GALNT17: variants seen among roughly 807,000 people sequenced by gnomAD.
The protein encoded by GALNT17 is UDP-GalNAc:polypeptide N-acetylgalactosaminyltransferase-like 3.
In GALNT17, 29 loss-of-function variants were observed where a neutral mutation model predicts 63.7. The observed-to-expected ratio is 0.46, with a 90% CI of 0.34 to 0.62. The LOEUF is 0.62. Among genes scored for constraint, GALNT17 ranks in the 20% least tolerant of loss-of-function variants. The probability of loss-of-function intolerance (pLI) is 0.01; values close to 1 mark genes in which losing one functional copy is unlikely to be tolerated. For missense variants in GALNT17, 603 were observed against 799.6 expected, an observed-to-expected ratio of 0.75 and a Z score of 2.97; for synonymous variants, 305 against 318.3, an observed-to-expected ratio of 0.96 and a Z score of 0.45.
intron 1 of GALNT17, among the ~76,000 whole-genome samples, chr7:71,146,319 G>C (rs1031619951): frequency 6.6e-6 from 1 of 152,208 alleles, no homozygotes; most frequent in Non-Finnish European, 1.5e-5. Context: ...GCCAGTGCCA[G>C]TCTCGGGTCC....
chr7:71,680,708 TCC>T (rs1456920987), intron 9 of GALNT17, among the ~76,000 whole-genome samples: 16 of 32,304 alleles, frequency 5.0e-4, no homozygotes, highest in African/African-American at 1.2e-3. Flanking sequence ...TTCTTTTCCT[TCC>T]TTCCTTCCTC....
intron 5 of GALNT17, among the ~76,000 whole-genome samples, chr7:71,524,740 A>G (rs1788596304): frequency 6.6e-6 from 1 of 152,232 alleles, no homozygotes; most frequent in Non-Finnish European, 1.5e-5. Context: ...CCTGAAATTA[A>G]CATGGCCTTA....
chr7:71,315,508 C>T (rs1441799597), intron 1 of GALNT17, among the ~76,000 whole-genome samples: 1 of 152,180 alleles, frequency 6.6e-6, no homozygotes, highest in African/African-American at 2.4e-5. Context: ...CAAGAGAGCA[C>T]TTAAAATTGG....
intron 9 of GALNT17, among the ~76,000 whole-genome samples, chr7:71,700,860 C>T (rs1791620936): frequency 6.6e-6 from 1 of 152,168 alleles, no homozygotes; most frequent in African/African-American, 2.4e-5. Flanking sequence ...TGCCTGACTC[C>T]AGTGAGTAAG....
chr7:71,642,495 C>A (rs796263974), intron 6 of GALNT17, among the ~76,000 whole-genome samples: 3 of 152,288 alleles, frequency 2.0e-5, no homozygotes, highest in African/African-American at 7.2e-5. Context: ...TCCTTCACAT[C>A]CTTAGAGATG....
intron 3 of GALNT17, among the ~76,000 whole-genome samples, chr7:71,405,854 T>C (rs1184119883): frequency 1.3e-5 from 2 of 152,190 alleles, no homozygotes; most frequent in Non-Finnish European, 2.9e-5. Flanking sequence ...GCATTTAACA[T>C]GAATTTTGAG....
chr7:71,379,449 G>T (rs781256396), intron 2 of GALNT17, among the ~76,000 whole-genome samples: 2 of 152,050 alleles, frequency 1.3e-5, no homozygotes, highest in African/African-American at 2.4e-5. Context: ...CATTCTGGTC[G>T]CAGTAGGGTA....
At chr7:71,694,505 C>T (rs1208458298) in intron 9 of GALNT17, among the ~76,000 whole-genome samples, 4 of 152,030 alleles carry the variant, frequency 2.6e-5, no homozygotes, top group African/African-American at 7.2e-5. Context: ...AAGCAATTCT[C>T]CTGCCTCAGC....
intron 1 of GALNT17, among the ~76,000 whole-genome samples, chr7:71,275,084 A>C (rs2115719183): frequency 6.6e-6 from 1 of 152,196 alleles, no homozygotes; most frequent in Non-Finnish European, 1.5e-5. Context: ...CAGTACTGGG[A>C]GATCCTGAAA....
chr7:71,376,681 G>T (rs1792735112), intron 2 of GALNT17, among the ~76,000 whole-genome samples: 1 of 151,892 alleles, frequency 6.6e-6, no homozygotes, highest in Admixed American at 6.6e-5. Flanking sequence ...TCTAGGCACA[G>T]TGGCCCACGC....
At chr7:71,490,417 G>T (rs568887939) in intron 5 of GALNT17, among the ~76,000 whole-genome samples, 38 of 152,232 alleles carry the variant, frequency 2.5e-4, no homozygotes, top group African/African-American at 8.7e-4. Flanking sequence ...CCTATCAGGG[G>T]CATTTAGCCT....
At chr7:71,242,437 T>G (rs1188305441) in intron 1 of GALNT17, among the ~76,000 whole-genome samples, 1 of 151,260 alleles carries the variant, frequency 6.6e-6, no homozygotes, top group African/African-American at 2.4e-5. Flanking sequence ...CCCGGCTAAT[T>G]TTTTGTATTT....
At chr7:71,670,901 T>TGTGTGTGC (rs113904463) in intron 8 of GALNT17, among the ~76,000 whole-genome samples, 21 of 150,174 alleles carry the variant, frequency 1.4e-4, no homozygotes, top group South Asian at 2.1e-4. Flanking sequence ...TGTGTGTGTG[T>TGTGTGTGC]GCGTGTGTGT....
intron 6 of GALNT17, among the ~76,000 whole-genome samples, chr7:71,648,270 C>CTTT (rs200155271): frequency 7.0e-6 from 1 of 142,606 alleles, no homozygotes; most frequent in Non-Finnish European, 1.5e-5. Context: ...TCATGAGCTA[C>CTTT]TTTTTTTTTT....
At chr7:71,338,419 A>T (rs552207540) in intron 2 of GALNT17, among the ~76,000 whole-genome samples, 57 of 152,020 alleles carry the variant, frequency 3.7e-4, no homozygotes, top group African/African-American at 1.3e-3. Flanking sequence ...AGTCCCAGCT[A>T]CTCCTGAGGC....
intron 5 of GALNT17, among the ~76,000 whole-genome samples, chr7:71,428,082 G>A (rs996714280): frequency 3.9e-5 from 6 of 152,078 alleles, no homozygotes; most frequent in South Asian, 2.1e-4. Context: ...GTTCTTAATC[G>A]TGGCAATATA....
At chr7:71,499,686 TTCA>T (rs1788149945) in intron 5 of GALNT17, among the ~76,000 whole-genome samples, 2 of 152,228 alleles carry the variant, frequency 1.3e-5, no homozygotes, top group Admixed American at 1.3e-4. Flanking sequence ...CCGATTTCTC[TTCA>T]TCTATACAGA....
At chr7:71,142,012 C>CTTTGTG (rs1554332462) in intron 1 of GALNT17, among the ~76,000 whole-genome samples, 1 of 124,804 alleles carries the variant, frequency 8.0e-6, no homozygotes, top group Non-Finnish European at 1.6e-5. Context: ...CCACATTTGG[C>CTTTGTG]TGTGTGTGTG....
intron 3 of GALNT17, among the ~76,000 whole-genome samples, chr7:71,393,059 T>A (rs1186141888): frequency 6.6e-6 from 1 of 152,148 alleles, no homozygotes; most frequent in Non-Finnish European, 1.5e-5. Flanking sequence ...TGTTTTAAAA[T>A]CTCCTTTTAT....
Sources: allele counts gnomAD v4.1 joint callset (sites outside exome capture counted in the v4.1 genomes callset), GRCh38; gene constraint gnomAD v4.1.1; transcripts MANE v1.5; gene names NCBI Gene and HGNC (gene_info 2026-07-23, HGNC 2026-07-21).